The following FNDC1 variants were observed in gnomAD, a reference collection of about 807,000 sequenced individuals.
FNDC1 encodes the protein fibronectin type III domain containing 1, also known as fibronectin type III domain-containing protein 1.
In FNDC1, 96 loss-of-function variants were observed where a neutral mutation model predicts 168.0. The observed-to-expected ratio is 0.57, with a 90% CI of 0.48 to 0.68. FNDC1 has a LOEUF of 0.68. Ranked by LOEUF, FNDC1 falls within the 30% of genes least tolerant of loss-of-function variation. The probability of loss-of-function intolerance (pLI) is 0.00; values close to 1 mark genes in which losing one functional copy is unlikely to be tolerated. For missense variants in FNDC1, 2,587 were observed against 2,482.1 expected (o/e 1.04, Z -0.90); for synonymous variants, 1,099 against 1,025.9 (o/e 1.07, Z -1.36).
chr6:159,184,081 T>C (rs1374655372), intron 1 of FNDC1, among the ~76,000 whole-genome samples: 1 of 152,262 alleles, frequency 6.6e-6, no homozygotes, highest in African/African-American at 2.4e-5. Flanking sequence ...CTTGGGCAAA[T>C]CACTTAACTC....
chr6:159,240,206 G>A (rs980781608), intron 14 of FNDC1, among the ~76,000 whole-genome samples: 1 of 152,138 alleles, frequency 6.6e-6, no homozygotes, highest in African/African-American at 2.4e-5. Context: ...TTCACTTAAA[G>A]TCAGATTTAA....
chr6:159,268,749 C>G (rs1777643737), intron 22 of FNDC1, among the ~76,000 whole-genome samples: 1 of 108,958 alleles, frequency 9.2e-6, no homozygotes, highest in Non-Finnish European at 2.2e-5. Flanking sequence ...TATCATCCAT[C>G]CATGTATCTA....
intron 16 of FNDC1, 61 bp downstream of exon 16, chr6:159,249,243 A>T: frequency 6.6e-7 from 1 of 1,512,066 alleles, no homozygotes; most frequent in Non-Finnish European, 8.9e-7. Flanking sequence ...TTTGAAGAAA[A>T]ACATTACTAA....
At position 159,234,390 on chromosome 6, in the gene FNDC1, C is replaced by T. The variant is rs1185850425; in HGVS notation, c.3878C>T (p.Thr1293Ile). 5 of 1,613,372 alleles carry T rather than the reference C, an allele frequency of 3.1e-6. No homozygotes were observed. The highest frequency in any genetic ancestry group is 2.7e-5 in the African/African-American group (2 of 74,930). Residue 1293 changes from threonine to isoleucine, a missense_variant, in exon 11 of 23, where the codon ACC becomes ATC. Physicochemically the swap from Thr to Ile is moderately conservative, Grantham distance 89. Coordinates refer to ENST00000297267, the MANE Select transcript of FNDC1 (RefSeq NM_032532.3). ...TRAPPGHFST[T>I]PMLSLRQRMM... ...GCCCCACCTGGCCACTTCTCCACCA[C>T]CCCGATGCTGTCCTTGCGCCAGAGG... is the stretch of plus-strand genomic sequence containing the variant.
chr6:159,242,232 A>C (rs1344946651), intron 14 of FNDC1, among the ~76,000 whole-genome samples: 1 of 152,232 alleles, frequency 6.6e-6, no homozygotes, highest in East Asian at 1.9e-4. Context: ...TAACACAGGA[A>C]CAGAAAACTA....
At chr6:159,246,305 A>G (rs294912) in intron 14 of FNDC1, among the ~76,000 whole-genome samples, 131,623 of 152,228 alleles carry the variant, frequency 0.86, 57,107 homozygotes, top group Middle Eastern at 0.92. Context: ...GAAGTGGAGA[A>G]GCACAAGGAA....
At chr6:159,198,196 C>T (rs555410004) in intron 2 of FNDC1, among the ~76,000 whole-genome samples, 1 of 152,298 alleles carries the variant, frequency 6.6e-6, no homozygotes, top group African/African-American at 2.4e-5. Flanking sequence ...GCTTAGGCTT[C>T]GAGCTGCCTC....
At chr6:159,208,844 AT>A (rs369408600) in intron 4 of FNDC1, among the ~76,000 whole-genome samples, 10,587 of 127,924 alleles carry the variant, frequency 0.083, 286 homozygotes, top group Middle Eastern at 0.097. Flanking sequence ...GTTATTTTTA[AT>A]TTTTTTTTTT....
At chr6:159,176,286 A>ATTCG (rs914004009) in intron 1 of FNDC1, among the ~76,000 whole-genome samples, 5 of 152,146 alleles carry the variant, frequency 3.3e-5, no homozygotes, top group African/African-American at 1.2e-4. Context: ...TCATTCATTC[A>ATTCG]TCCATTCAGC....
Position 159,223,583 on chromosome 6 carries a change from G to T in FNDC1, c.822G>T (p.Gln274His). Reference protein sequence around the residue: ...DDISVRVMSSQSVLVSWVDPV... With the variant: ...DDISVRVMSSHSVLVSWVDPV... ...TCAGCGTCCGGGTTATGTCATCTCA[G>T]TCTGTGCTTGTGTCCTGGGTGGATC... Residue 274 changes from glutamine to histidine, a missense_variant, in exon 7 of 23, where the codon CAG (glutamine) becomes CAT (histidine). Gln to His is a conservative substitution (Grantham distance 24). Coordinates refer to ENST00000297267, the MANE Select transcript of FNDC1 (RefSeq NM_032532.3). The T allele has an allele frequency of 6.2e-7, 1 of 1,613,920 alleles. No homozygotes were observed.
chr6:159,210,790 T>C (rs1318497115), intron 4 of FNDC1, among the ~76,000 whole-genome samples: 1 of 152,192 alleles, frequency 6.6e-6, no homozygotes, highest in African/African-American at 2.4e-5. Flanking sequence ...CCAACAAAGC[T>C]GATGTCCTGC....
chr6:159,207,484 C>T (rs1292368537), intron 4 of FNDC1, among the ~76,000 whole-genome samples: 1 of 152,124 alleles, frequency 6.6e-6, no homozygotes. Flanking sequence ...TCACTTGCTG[C>T]TTTCTGATTG....
At chr6:159,222,080 T>A (rs1782839548) in intron 6 of FNDC1, among the ~76,000 whole-genome samples, 1 of 152,142 alleles carries the variant, frequency 6.6e-6, no homozygotes, top group South Asian at 2.1e-4. Flanking sequence ...AGTACACACA[T>A]GTTATTTCAG....
chr6:159,190,748 T>C (rs748627325), intron 1 of FNDC1, among the ~76,000 whole-genome samples: 38 of 152,256 alleles, frequency 2.5e-4, no homozygotes, highest in Non-Finnish European at 4.3e-4. Context: ...ATGAGCACTT[T>C]TGTGCCCCAT....
At chr6:159,175,557 A>C (rs1781744673) in intron 1 of FNDC1, among the ~76,000 whole-genome samples, 1 of 152,230 alleles carries the variant, frequency 6.6e-6, no homozygotes, top group Non-Finnish European at 1.5e-5. Flanking sequence ...CGGCTGTTGA[A>C]AAATGATTAT....
intron 4 of FNDC1, among the ~76,000 whole-genome samples, chr6:159,205,954 C>T (rs956761464): frequency 2.6e-5 from 4 of 152,220 alleles, no homozygotes; most frequent in African/African-American, 9.6e-5. Context: ...AGACTCATCC[C>T]CAGTGATAAT....
intron 1 of FNDC1, among the ~76,000 whole-genome samples, chr6:159,196,856 A>G (rs991538279): frequency 3.9e-5 from 6 of 152,254 alleles, no homozygotes; most frequent in African/African-American, 1.4e-4. Flanking sequence ...CTGGAACACA[A>G]TATGGAAACA....
At chr6:159,261,032 C>T (rs1777471736) in intron 18 of FNDC1, among the ~76,000 whole-genome samples, 158 bp from the exon 19 acceptor site, 2 of 152,146 alleles carry the variant, frequency 1.3e-5, no homozygotes, top group South Asian at 4.1e-4. Flanking sequence ...TGAGAAAGTT[C>T]AGAAAAAGAC....
At chr6:159,269,487 T>TCCATCCATGC (rs1777684208) in intron 22 of FNDC1, among the ~76,000 whole-genome samples, 1 of 93,992 alleles carries the variant, frequency 1.1e-5, no homozygotes. Flanking sequence ...TCTATCTATC[T>TCCATCCATGC]ATCTATCTAT....
Sources: allele counts gnomAD v4.1 joint callset (sites outside exome capture counted in the v4.1 genomes callset), GRCh38; gene constraint gnomAD v4.1.1; transcripts MANE v1.5; gene names NCBI Gene and HGNC (gene_info 2026-07-23, HGNC 2026-07-21).